The following ROBO2 variants were observed in gnomAD, a reference collection of about 807,000 sequenced individuals.
The protein encoded by ROBO2 is roundabout guidance receptor 2.
ROBO2 carries 53 observed loss-of-function variants against 160.8 expected under a neutral mutation model. The ratio of observed to expected loss-of-function variants is 0.33; its 90% CI spans 0.26 to 0.41. ROBO2 has a LOEUF of 0.41. Ranked by LOEUF, ROBO2 falls within the 10% of genes least tolerant of loss-of-function variation. The pLI is 1.00. For synonymous variants in ROBO2, 664 were observed against 611.7 expected (o/e 1.09, Z -1.26); for missense variants, 1,577 against 1,722.4 (o/e 0.92, Z 1.49).
At chr3:77,084,580 A>G (rs1317663456) in intron 1 of ROBO2, among the ~76,000 whole-genome samples, 1 of 152,070 alleles carries the variant, frequency 6.6e-6, no homozygotes, top group Non-Finnish European at 1.5e-5. Context: ...AAAGCATTGC[A>G]TTTCGAGAGT....
intron 2 of ROBO2, among the ~76,000 whole-genome samples, chr3:76,232,228 A>T (rs1346347738): frequency 6.6e-6 from 1 of 152,204 alleles, no homozygotes; most frequent in East Asian, 1.9e-4. Context: ...TAGTTATTAC[A>T]TTTTTAAGCA....
chr3:76,065,128 T>C (rs1392878210), intron 2 of ROBO2, among the ~76,000 whole-genome samples: 1 of 152,026 alleles, frequency 6.6e-6, no homozygotes, highest in Non-Finnish European at 1.5e-5. Context: ...AAACGAAAAA[T>C]TTGGAGCCCA....
At chr3:76,832,151 A>C (rs2067147240) in intron 2 of ROBO2, among the ~76,000 whole-genome samples, 1 of 152,220 alleles carries the variant, frequency 6.6e-6, no homozygotes, top group East Asian at 1.9e-4. Flanking sequence ...AGTTTTCTAC[A>C]TAAGAATGTG....
intron 2 of ROBO2, among the ~76,000 whole-genome samples, chr3:76,842,159 G>C (rs1419905912): frequency 6.6e-6 from 1 of 152,180 alleles, no homozygotes; most frequent in African/African-American, 2.4e-5. Flanking sequence ...AGACAATAGA[G>C]AAGGATCGAG....
At chr3:77,479,434 T>C (rs1022367028) in intron 3 of ROBO2, among the ~76,000 whole-genome samples, 1 of 152,188 alleles carries the variant, frequency 6.6e-6, no homozygotes, top group Non-Finnish European at 1.5e-5. Flanking sequence ...CTCTCTGTTC[T>C]TGGGGCAAGT....
intron 2 of ROBO2, among the ~76,000 whole-genome samples, chr3:77,439,843 G>A (rs1218862218): frequency 6.6e-6 from 1 of 151,892 alleles, no homozygotes; most frequent in Non-Finnish European, 1.5e-5. Context: ...ATTCTAACGT[G>A]TTTTAGCTCT....
chr3:77,263,553 G>T (rs2058916756), intron 2 of ROBO2, among the ~76,000 whole-genome samples: 1 of 152,158 alleles, frequency 6.6e-6, no homozygotes. Flanking sequence ...AGAGCCTCCA[G>T]CTCCATCCAT....
rs7651715 is a variant in ROBO2, at chr3:77,394,787, T to G, written c.389-82627T>G. Among the ~76,000 whole-genome samples the G allele has an allele frequency of 2.2e-3, 342 of 152,234 alleles. 2 individuals are homozygous for G. The highest frequency in any genetic ancestry group is 8.0e-3 in the African/African-American group (333 of 41,548). On this transcript the variant is annotated intron_variant, in intron 2 of 25. Coordinates refer to ENST00000461745, the Ensembl canonical transcript of ROBO2. Reference sequence around the variant, plus strand: ...TTTTTAGCCTCATTTACCTTACCTATCTTCACTCCACCAAATTCACTGTTT... The same window carrying G: ...TTTTTAGCCTCATTTACCTTACCTAGCTTCACTCCACCAAATTCACTGTTT...
chr3:77,430,974 T>C (rs2153541568), intron 2 of ROBO2, among the ~76,000 whole-genome samples: 1 of 152,332 alleles, frequency 6.6e-6, no homozygotes, highest in South Asian at 2.1e-4. Flanking sequence ...ATCTGCTTAT[T>C]CTTTTCCCAG....
intron 1 of ROBO2, among the ~76,000 whole-genome samples, chr3:77,051,016 T>TC (rs747311464): frequency 0.013 from 842 of 63,824 alleles, 1 homozygote; most frequent in Non-Finnish European, 0.022. Context: ...AGACCCTGTC[T>TC]CAAAAAAAAA....
chr3:76,885,955 G>T (rs141248987), intron 2 of ROBO2, among the ~76,000 whole-genome samples: 1 of 152,160 alleles, frequency 6.6e-6, no homozygotes, highest in Non-Finnish European at 1.5e-5. Context: ...GGGAGGGCAG[G>T]TTCATGGCCT....
At chr3:76,320,270 AAT>A (rs1174011680) in intron 2 of ROBO2, among the ~76,000 whole-genome samples, 1 of 152,190 alleles carries the variant, frequency 6.6e-6, no homozygotes, top group Non-Finnish European at 1.5e-5. Context: ...ATGCTAAATT[AAT>A]ATGACTATAT....
rs116704221 is a variant in ROBO2, at chr3:76,154,602, C to T, written c.109+217000C>T. On this transcript the variant is annotated intron_variant, in intron 2 of 26. Transcript: ENST00000487694. ...AGATTGGATTATTATTGGGGAGTAGCGGAGGAATTGAGATTTGAGTATATT... is the reference window on the plus strand; with the variant it reads ...AGATTGGATTATTATTGGGGAGTAGTGGAGGAATTGAGATTTGAGTATATT... Among the ~76,000 whole-genome samples the T allele has an allele frequency of 4.0e-3, 602 of 151,964 alleles. 5 individuals carry two copies. Among genetic ancestry groups the T allele is most frequent in the African/African-American group, 0.014 (563 of 41,464 alleles).
chr3:76,006,922 A>G (rs2066035304), intron 2 of ROBO2, among the ~76,000 whole-genome samples: 1 of 152,100 alleles, frequency 6.6e-6, no homozygotes, highest in Non-Finnish European at 1.5e-5. Flanking sequence ...AAAGGCATAC[A>G]ATTTCTTTTT....
intron 2 of ROBO2, among the ~76,000 whole-genome samples, chr3:77,224,430 C>T (rs1175233086): frequency 6.6e-6 from 1 of 151,882 alleles, no homozygotes; most frequent in African/African-American, 2.4e-5. Context: ...TTTGCTTATC[C>T]ATTTGTGACA....
At chr3:77,423,486 A>T (rs894705641) in intron 2 of ROBO2, among the ~76,000 whole-genome samples, 1 of 152,196 alleles carries the variant, frequency 6.6e-6, no homozygotes, top group Non-Finnish European at 1.5e-5. Context: ...AACTGTTTTG[A>T]CCAAATATAA....
chr3:76,739,866 T>C (rs553319173), intron 2 of ROBO2, among the ~76,000 whole-genome samples: 2 of 152,322 alleles, frequency 1.3e-5, no homozygotes, highest in South Asian at 2.1e-4. Flanking sequence ...CTAAGTTTTA[T>C]TGCTATGGAA....
At chr3:76,796,308 T>C (rs971980519) in intron 2 of ROBO2, among the ~76,000 whole-genome samples, 2 of 151,958 alleles carry the variant, frequency 1.3e-5, no homozygotes, top group Non-Finnish European at 2.9e-5. Flanking sequence ...GTAGCCACTT[T>C]CATCAATGTT....
At chr3:77,030,371 C>G (rs2063245091) in intron 2 of ROBO2, among the ~76,000 whole-genome samples, 1 of 152,164 alleles carries the variant, frequency 6.6e-6, no homozygotes, top group Non-Finnish European at 1.5e-5. Context: ...GCACTTTTCA[C>G]TTAAACAGGA....
Sources: allele counts gnomAD v4.1 joint callset (sites outside exome capture counted in the v4.1 genomes callset), GRCh38; gene constraint gnomAD v4.1.1; transcripts MANE v1.5; gene names NCBI Gene and HGNC (gene_info 2026-07-23, HGNC 2026-07-21).